FAAH2: variants seen among roughly 807,000 people sequenced by gnomAD.
The protein encoded by FAAH2 is fatty-acid amide hydrolase 2.
FAAH2 carries 60 observed loss-of-function variants against 36.9 expected under a neutral mutation model. The ratio of observed to expected loss-of-function variants is 1.63; its 90% CI spans 1.32 to 2.02. FAAH2 has a LOEUF of 2.02. FAAH2 is among the 30% of genes most tolerant of loss of function. The pLI, the probability that FAAH2 is intolerant of heterozygous loss-of-function variation, is 0.00. For synonymous variants in FAAH2, 214 were observed against 143.8 expected, an observed-to-expected ratio of 1.49 and a Z score of -3.49; for missense variants, 689 against 397.5, an observed-to-expected ratio of 1.73 and a Z score of -6.23.
chrX:57,458,667 G>T (rs1027725590), intron 10 of FAAH2, among the ~76,000 whole-genome samples: 4 of 111,892 alleles, frequency 3.6e-5, no homozygotes, highest in Admixed American at 9.4e-5. Flanking sequence ...TAGGCAGTGG[G>T]TGCAGACCAT....
the FAAH2 span, among the ~76,000 whole-genome samples, chrX:57,157,322 G>T: frequency 9.0e-6 from 1 of 111,682 alleles, no homozygotes; most frequent in South Asian, 3.7e-4. Flanking sequence ...ATGATGGCCT[G>T]GTTACCACTC....
In FAAH2 at chrX:57,410,777, TTTAA is replaced by T. The variant is rs201448387; in HGVS notation, c.997-21138_997-21135del. 1.2e-3 allele frequency among the ~76,000 whole-genome samples: 130 copies of T among 112,168 alleles called. 2 individuals carry two copies. In the East Asian group the frequency reaches 0.036, roughly 31 times the overall value. Reference sequence around the variant, plus strand: ...AGAATTTCTTTTCCTTTCTCTTTTATTTAATTGTTTGTATCTCTTTGTTGTACTT... The same window carrying T: ...AGAATTTCTTTTCCTTTCTCTTTTATTTGTTTGTATCTCTTTGTTGTACTT... On this transcript the variant is annotated intron_variant, in intron 7 of 10. Transcript: ENST00000374900.
the FAAH2 span, among the ~76,000 whole-genome samples, chrX:57,211,623 C>G: frequency 0.071 from 7,947 of 111,629 alleles, 702 homozygotes; most frequent in African/African-American, 0.25. Context: ...GGAGGTCAAC[C>G]TGCACAGCCC....
chrX:57,405,770 A>G lies in FAAH2; in HGVS notation c.996+24741A>G, dbSNP rs1371727859. Among the ~76,000 whole-genome samples, 2 of 99,824 alleles carry G rather than the reference A, an allele frequency of 2.0e-5. 1 individual carries two copies. Among genetic ancestry groups the G allele is most frequent in the Admixed American group, 2.3e-4 (2 of 8,766 alleles). The allele number at this position is 99,824 out of a possible 115,157, so 86.7% of individuals were successfully genotyped here. ...ATCTAGTATGTCATTAAAGTTTTCA[A>G]CTGTATTTTGTAATTCATTTAGTGA... is the stretch of plus-strand genomic sequence containing the variant. On this transcript the variant is annotated intron_variant, in intron 7 of 10. Coordinates refer to ENST00000374900, the MANE Select transcript of FAAH2 (RefSeq NM_174912.4).
intron 7 of FAAH2, among the ~76,000 whole-genome samples, chrX:57,391,040 A>G (rs1411932408): frequency 9.0e-6 from 1 of 111,421 alleles, no homozygotes; most frequent in African/African-American, 3.3e-5. Context: ...ATGGTATCTC[A>G]TTGTGGTTTT....
intron 10 of FAAH2, among the ~76,000 whole-genome samples, chrX:57,458,792 A>T (rs1483063137): frequency 8.9e-6 from 1 of 111,963 alleles, no homozygotes; most frequent in African/African-American, 3.2e-5. Flanking sequence ...CAGCCCATTT[A>T]CTATGCTTTC....
At chrX:57,270,988 C>T in the FAAH2 span, among the ~76,000 whole-genome samples, 9 of 112,139 alleles carry the variant, frequency 8.0e-5, no homozygotes, top group African/African-American at 2.9e-4. Flanking sequence ...GAACCGTTCA[C>T]TCCCCTTGAA....
upstream of FAAH2, among the ~76,000 whole-genome samples, chrX:57,281,982 C>T (rs751490692): frequency 2.2e-4 from 25 of 111,629 alleles, no homozygotes; most frequent in African/African-American, 6.8e-4. Flanking sequence ...ATGGGCATTT[C>T]GGTTGATTAC....
intron 10 of FAAH2, among the ~76,000 whole-genome samples, chrX:57,455,645 G>A (rs769665141): frequency 4.2e-4 from 47 of 111,817 alleles, no homozygotes; most frequent in Non-Finnish European, 7.9e-4. Context: ...AAAAGATCAG[G>A]AGTCATTATT....
At chrX:57,437,433 G>T (rs1439206623) in intron 8 of FAAH2, among the ~76,000 whole-genome samples, 4 of 109,787 alleles carry the variant, frequency 3.6e-5, no homozygotes, top group African/African-American at 1.3e-4. Flanking sequence ...AAGAGGAAGT[G>T]AAATTTTTTC....
At chrX:57,271,166 G>A in the FAAH2 span, among the ~76,000 whole-genome samples, 2 of 112,453 alleles carry the variant, frequency 1.8e-5, no homozygotes, top group Non-Finnish European at 3.8e-5. Flanking sequence ...ATCTGCCATT[G>A]CTGAGGCTTG....
At chrX:57,247,796 C>T in the FAAH2 span, among the ~76,000 whole-genome samples, 1 of 112,123 alleles carries the variant, frequency 8.9e-6, no homozygotes, top group Non-Finnish European at 1.9e-5. Flanking sequence ...GCATGGGAGG[C>T]AATAAACTTG....
At chrX:57,199,075 C>T in the FAAH2 span, among the ~76,000 whole-genome samples, 3 of 110,758 alleles carry the variant, frequency 2.7e-5, no homozygotes, top group African/African-American at 9.8e-5. Context: ...TCTCCACACA[C>T]TCTTCTGTGT....
chrX:57,244,008 G>A, the FAAH2 span, among the ~76,000 whole-genome samples: 3 of 108,376 alleles, frequency 2.8e-5, no homozygotes, highest in Middle Eastern at 4.7e-3. Flanking sequence ...TGAAAAAAAG[G>A]TTCGTTGAAT....
chrX:57,235,320 C>T, the FAAH2 span, among the ~76,000 whole-genome samples: 1 of 111,595 alleles, frequency 9.0e-6, no homozygotes, highest in Non-Finnish European at 1.9e-5. Flanking sequence ...AGAATATAGT[C>T]TAACCTTTAG....
intron 5 of FAAH2, among the ~76,000 whole-genome samples, chrX:57,367,543 A>C: frequency 8.9e-6 from 1 of 112,886 alleles, no homozygotes; most frequent in South Asian, 3.6e-4. Context: ...GGGCAAAAAC[A>C]ATGAATAAAC....
At chrX:57,371,280 A>G (rs757702457) in intron 5 of FAAH2, among the ~76,000 whole-genome samples, 2 of 110,292 alleles carry the variant, frequency 1.8e-5, no homozygotes, top group South Asian at 3.9e-4. Context: ...TCCTGTGTCT[A>G]TTTTTCTAAA....
At chrX:57,210,836 C>A in the FAAH2 span, among the ~76,000 whole-genome samples, 1 of 112,420 alleles carries the variant, frequency 8.9e-6, no homozygotes, top group Admixed American at 9.4e-5. Context: ...GATATAATTA[C>A]CTATGTAGAA....
the FAAH2 span, among the ~76,000 whole-genome samples, chrX:57,265,069 A>G: frequency 2.7e-5 from 3 of 111,583 alleles, no homozygotes; most frequent in South Asian, 7.8e-4. Context: ...ACATGTGACC[A>G]CAGGAAACCA....
Sources: gnomAD v4.1 joint callset for allele counts (sites outside exome capture counted in the v4.1 genomes callset) on GRCh38, gnomAD v4.1.1 for gene constraint, MANE v1.5 for transcripts, NCBI Gene and HGNC (gene_info 2026-07-23, HGNC 2026-07-21) for gene names.